The following GTF2E2 variants were observed in gnomAD, a reference collection of about 807,000 sequenced individuals.
GTF2E2 encodes transcription initiation factor IIE subunit beta.
A neutral mutation model predicts 40.5 loss-of-function variants in GTF2E2; 21 were observed. That is an observed-to-expected ratio of 0.52 (90% CI 0.37 to 0.75). The LOEUF (loss-of-function observed/expected upper bound fraction) is 0.75, where lower values mean the gene tolerates loss of function less well. GTF2E2 is among the 30% of genes least tolerant of loss of function. The pLI is 0.00. For missense variants in GTF2E2, 298 were observed against 338.4 expected (o/e 0.88, Z 0.94); for synonymous variants, 117 against 121.6 (o/e 0.96, Z 0.25).
intron 7 of GTF2E2, 127 bp downstream of exon 7, chr8:30,580,154 A>T: frequency 1.5e-6 from 1 of 652,204 alleles, no homozygotes; most frequent in Admixed American, 2.5e-5. Context: ...CTCAGATGTG[A>T]CCTGGGCTGC....
At chr8:30,596,044 T>C (rs1163808719) in intron 6 of GTF2E2, among the ~76,000 whole-genome samples, 3 of 152,222 alleles carry the variant, frequency 2.0e-5, no homozygotes, top group African/African-American at 4.8e-5. Flanking sequence ...AATTAGTCTC[T>C]TTCCTCTGAC....
chr8:30,624,467 T>C (rs1801209035), intron 3 of GTF2E2, among the ~76,000 whole-genome samples: 1 of 152,178 alleles, frequency 6.6e-6, no homozygotes, highest in South Asian at 2.1e-4. Flanking sequence ...CTTTGTTCTT[T>C]TGGCTTAGGA....
intron 6 of GTF2E2, among the ~76,000 whole-genome samples, chr8:30,605,266 GA>G (rs1829288643): frequency 6.6e-6 from 1 of 152,066 alleles, no homozygotes; most frequent in South Asian, 2.1e-4. Flanking sequence ...AAATGACGGA[GA>G]AACTAAAACT....
intron 6 of GTF2E2, among the ~76,000 whole-genome samples, chr8:30,595,440 A>C (rs758172916): frequency 3.9e-5 from 6 of 152,218 alleles, no homozygotes; most frequent in Non-Finnish European, 8.8e-5. Context: ...CTTCTTCCTG[A>C]ACAACTTCCT....
rs554182502 is a variant in GTF2E2, at chr8:30,644,119, C to G, written c.167-8996G>C. Among the ~76,000 whole-genome samples, 121 of 152,310 alleles carry G rather than the reference C, an allele frequency of 7.9e-4. 1 individual carries two copies. Among genetic ancestry groups the G allele is most frequent in the African/African-American group, 2.7e-3 (112 of 41,564 alleles). On this transcript the variant is annotated intron_variant, in intron 2 of 7. Coordinates refer to ENST00000355904, the MANE Select transcript of GTF2E2 (RefSeq NM_002095.6). ...TTAAAATATTTGTTAGAGATCAAGA[C>G]AGTAAAAACTAATTTAGTTCCTCAT...
At chr8:30,597,523 T>G (rs1199646729) in intron 6 of GTF2E2, 3 of 152,274 alleles carry the variant, frequency 2.0e-5, no homozygotes, top group African/African-American at 7.2e-5. Flanking sequence ...TTCATTAAAT[T>G]TTAACTGAAT....
chr8:30,580,498 A>C, intron 6 of GTF2E2, 102 bp from the exon 7 acceptor site: 1 of 699,684 alleles, frequency 1.4e-6, no homozygotes, highest in Non-Finnish European at 2.6e-6. Context: ...GATCCAAATG[A>C]GCACATCTGA....
rs530352465 is a variant in GTF2E2, at chr8:30,579,660, C to T, written c.759+621G>A. On this transcript the variant is annotated intron_variant, in intron 7 of 7. Transcript: ENST00000355904. ...ACAGGTGACAAGCTATGAAGCATGA[C>T]GGTGGATAAGGAAAGGGGGGAGGAG... is the stretch of plus-strand genomic sequence containing the variant. Among the ~76,000 whole-genome samples, 47 of 152,202 alleles carry T rather than the reference C, an allele frequency of 3.1e-4. 1 individual carries two copies. The highest frequency in any genetic ancestry group is 8.4e-4 in the African/African-American group (35 of 41,546).
intron 5 of GTF2E2, among the ~76,000 whole-genome samples, chr8:30,611,276 T>C (rs1829467639): frequency 6.6e-6 from 1 of 152,064 alleles, no homozygotes; most frequent in Non-Finnish European, 1.5e-5. Context: ...ATTAATATAA[T>C]CCACAAGGTC....
intron 2 of GTF2E2, among the ~76,000 whole-genome samples, chr8:30,647,735 G>C (rs954881332): frequency 5.9e-5 from 9 of 152,218 alleles, no homozygotes; most frequent in African/African-American, 2.2e-4. Context: ...TGGAAACCAG[G>C]AACTGAGCAC....
At chr8:30,647,288 T>C (rs1339707251) in intron 2 of GTF2E2, among the ~76,000 whole-genome samples, 1 of 152,144 alleles carries the variant, frequency 6.6e-6, no homozygotes, top group African/African-American at 2.4e-5. Flanking sequence ...CTTTTCAATT[T>C]AAAGAATATC....
chr8:30,610,606 A>T (rs1829453081), intron 5 of GTF2E2, among the ~76,000 whole-genome samples: 1 of 152,186 alleles, frequency 6.6e-6, no homozygotes, highest in Admixed American at 6.5e-5. Context: ...TGGGCAAAGG[A>T]CGGTCTCTTC....
chr8:30,605,408 G>GA (rs986757466), intron 6 of GTF2E2, among the ~76,000 whole-genome samples: 4 of 152,050 alleles, frequency 2.6e-5, no homozygotes, highest in East Asian at 1.9e-4. Flanking sequence ...TAGCAATTGG[G>GA]AAAAAACTGA....
chr8:30,645,464 T>G, intron 2 of GTF2E2: 1 of 1,535,688 alleles, frequency 6.5e-7, no homozygotes, highest in Non-Finnish European at 8.7e-7. Flanking sequence ...TTAGTGGTGC[T>G]GGCTTTCCTT....
Position 30,622,599 on chromosome 8 carries a change from C to A in GTF2E2, c.259-7884G>T, listed in dbSNP as rs190803771. ...ACCGGTCTGACCAAAATTTATTGGG[C>A]GGGAATTTCCTCGTCCTAATAAGCC... is the stretch of plus-strand genomic sequence containing the variant. On this transcript the variant is annotated intron_variant, in intron 3 of 7. Coordinates refer to ENST00000355904, the MANE Select transcript of GTF2E2 (RefSeq NM_002095.6). 3.6e-4 allele frequency among the ~76,000 whole-genome samples: 54 copies of A among 151,860 alleles called. 1 individual carries two copies. The highest frequency in any genetic ancestry group is 6.6e-4 in the Non-Finnish European group (45 of 67,960).
chr8:30,594,101 T>C (rs991383428), intron 6 of GTF2E2, among the ~76,000 whole-genome samples: 4 of 151,798 alleles, frequency 2.6e-5, no homozygotes, highest in African/African-American at 9.7e-5. Flanking sequence ...CAGCTAACTT[T>C]TGTATTTTTA....
At chr8:30,580,058 G>C (rs1454636778) in intron 7 of GTF2E2, among the ~76,000 whole-genome samples, 1 of 152,180 alleles carries the variant, frequency 6.6e-6, no homozygotes, top group Admixed American at 6.5e-5. Flanking sequence ...TACCTCAAGA[G>C]CAGGACTGCT....
At chr8:30,644,627 AACAT>A (rs1801993807) in intron 2 of GTF2E2, 1 of 152,230 alleles carries the variant, frequency 6.6e-6, no homozygotes, top group South Asian at 2.1e-4. Context: ...CAGTTTGAAG[AACAT>A]AACCTTAAAA....
At chr8:30,594,560 A>T (rs1479959366) in intron 6 of GTF2E2, among the ~76,000 whole-genome samples, 1 of 151,598 alleles carries the variant, frequency 6.6e-6, no homozygotes, top group Admixed American at 6.6e-5. Context: ...TCTTTAAAAA[A>T]AAAAAAAAAA....
Sources: gnomAD v4.1 joint callset for allele counts (sites outside exome capture counted in the v4.1 genomes callset) on GRCh38, gnomAD v4.1.1 for gene constraint, MANE v1.5 for transcripts, NCBI Gene and HGNC (gene_info 2026-07-23, HGNC 2026-07-21) for gene names.